Variants in SEC23A observed in about 807,000 individuals in gnomAD.
SEC23A encodes the protein protein transport protein Sec23A.
A neutral mutation model predicts 103.7 loss-of-function variants in SEC23A; 56 were observed. The ratio of observed to expected loss-of-function variants is 0.54; its 90% CI spans 0.44 to 0.67. SEC23A has a LOEUF of 0.67. SEC23A is among the 30% of genes least tolerant of loss of function. SEC23A has a pLI of 0.00. For synonymous variants in SEC23A, 281 were observed against 293.0 expected (o/e 0.96, Z 0.42); for missense variants, 784 against 936.4 (o/e 0.84, Z 2.12).
rs1193106121 is a variant in SEC23A at position 39,048,710 on chromosome 14, T to C, written c.1679A>G (p.Tyr560Cys). 3.8e-6 allele frequency: 6 copies of C among 1,581,042 alleles called. No homozygotes were observed. The highest frequency in any genetic ancestry group is 5.2e-6 in the Non-Finnish European group (6 of 1,150,098). Residue 560 changes from tyrosine (Y) to cysteine (C), a missense_variant, in exon 15 of 20, where the codon TAT becomes TGT. By Grantham distance (194) the Tyr-to-Cys change is radical (BLOSUM62 -2). Coordinates refer to ENST00000307712, the MANE Select transcript of SEC23A (RefSeq NM_006364.4). ...GAAGGAACTTGGGTCATCTTTATGA[T>C]ATTCTCCAAATTTCTGACACTAAAT... ...LIRLCQKFGE[Y>C]HKDDPSSFRF...
chr14:39,033,948 TATACTC>T (rs1489588594), intron 19 of SEC23A, among the ~76,000 whole-genome samples: 2 of 152,206 alleles, frequency 1.3e-5, no homozygotes, highest in African/African-American at 2.4e-5. Context: ...TTTTTCTTCT[TATACTC>T]AAGTTCTTAT....
At chr14:39,043,857 G>A (rs904823974) in intron 16 of SEC23A, among the ~76,000 whole-genome samples, 1 of 152,182 alleles carries the variant, frequency 6.6e-6, no homozygotes, top group Non-Finnish European at 1.5e-5. Context: ...GTCTTTATAA[G>A]AGCCATTTCA....
At chr14:39,094,166 C>A (rs939361294) in intron 2 of SEC23A, among the ~76,000 whole-genome samples, 2 of 149,530 alleles carry the variant, frequency 1.3e-5, no homozygotes, top group East Asian at 1.9e-4. Context: ...GGACTACAGA[C>A]ACATACCACC....
At chr14:39,068,671 G>A (rs1886751464) in intron 9 of SEC23A, among the ~76,000 whole-genome samples, 2 of 151,976 alleles carry the variant, frequency 1.3e-5, no homozygotes, top group Admixed American at 1.3e-4. Flanking sequence ...AGAGAGGAAA[G>A]ATGTATAAAA....
At chr14:39,075,302 A>G (rs1430382204) in intron 8 of SEC23A, among the ~76,000 whole-genome samples, 1 of 152,168 alleles carries the variant, frequency 6.6e-6, no homozygotes, top group Non-Finnish European at 1.5e-5. Flanking sequence ...AAGCACCAAC[A>G]GTGGCAAAAA....
In SEC23A at chr14:39,076,030, GC is replaced by G; in HGVS notation, c.891del (p.Pro298LeufsTer9). ...AACTCATCTCCAACCACCATTCCAGGCCCCTGAGTAGCAGGACCACCAATGA... is the reference window on the plus strand; with the variant it reads ...AACTCATCTCCAACCACCATTCCAGGCCCTGAGTAGCAGGACCACCAATGA... ...MMFIGGPATQ[G>X]PGMVVGDELK... On this transcript the variant is annotated frameshift_variant, in exon 8 of 20. Coordinates refer to ENST00000307712, the MANE Select transcript of SEC23A (RefSeq NM_006364.4). LOFTEE classifies it high-confidence loss of function. The G allele has an allele frequency of 6.2e-7, 1 of 1,613,332 alleles. No homozygotes were observed. Among genetic ancestry groups the G allele is most frequent in the South Asian group, 1.1e-5 (1 of 91,034 alleles).
At chr14:39,043,933 T>C (rs1413472296) in intron 16 of SEC23A, among the ~76,000 whole-genome samples, 12 of 152,150 alleles carry the variant, frequency 7.9e-5, no homozygotes, top group Admixed American at 3.3e-4. Context: ...TGAGAAAGTA[T>C]AAACAACAAA....
At chr14:39,097,877 G>T (rs1477030668) in intron 1 of SEC23A, among the ~76,000 whole-genome samples, 1 of 152,106 alleles carries the variant, frequency 6.6e-6, no homozygotes, top group African/African-American at 2.4e-5. Context: ...CTGAGATCAG[G>T]AGTTCAAGAC....
chr14:39,075,651 C>A (rs192539711), intron 8 of SEC23A, among the ~76,000 whole-genome samples: 6 of 152,248 alleles, frequency 3.9e-5, no homozygotes, highest in Admixed American at 1.3e-4. Context: ...AACAGAAAGG[C>A]ATTCTTTAAC....
chr14:39,092,464 T>C (rs953556636), intron 4 of SEC23A, 77 bp downstream of exon 4: 3 of 895,140 alleles, frequency 3.4e-6, no homozygotes, highest in Non-Finnish European at 5.4e-6. Context: ...CATGATTCCT[T>C]CTAAATCATC....
At chr14:39,098,800 A>T (rs1189686848) in intron 1 of SEC23A, among the ~76,000 whole-genome samples, 1 of 151,860 alleles carries the variant, frequency 6.6e-6, no homozygotes, top group Non-Finnish European at 1.5e-5. Flanking sequence ...TAATAAAATA[A>T]AATGAAATCA....
chr14:39,096,300 A>G (rs1268798677), intron 1 of SEC23A, among the ~76,000 whole-genome samples, 161 bp from the exon 2 acceptor site: 1 of 152,166 alleles, frequency 6.6e-6, no homozygotes, highest in East Asian at 1.9e-4. Context: ...GGAGGCCGAG[A>G]CAGGCGGATC....
intron 2 of SEC23A, chr14:39,094,880 G>A (rs1887832775): frequency 6.3e-6 from 4 of 637,164 alleles, no homozygotes; most frequent in Non-Finnish European, 8.3e-6. Context: ...ATATACAGAG[G>A]CTAGATCATA....
At chr14:39,067,628 A>G (rs1462980483) in intron 9 of SEC23A, among the ~76,000 whole-genome samples, 3 of 147,710 alleles carry the variant, frequency 2.0e-5, no homozygotes, top group African/African-American at 7.5e-5. Flanking sequence ...TGTTCTCCAT[A>G]TTGGTAAAGG....
At chr14:39,041,578 C>T (rs915960933) in intron 17 of SEC23A, 10 of 150,846 alleles carry the variant, frequency 6.6e-5, no homozygotes, top group African/African-American at 2.4e-4. Flanking sequence ...TCTTTTAAAA[C>T]TCCTGGGTAG....
In SEC23A at chr14:39,033,062, C is replaced by A; in HGVS notation, c.*177G>T. On this transcript the variant is annotated 3_prime_UTR_variant, in exon 20 of 20. Transcript: ENST00000307712. ...AAAATAAATTTGTTCTTATTGCTCT[C>A]ATTATAATTCCAGCTTAATCTACAA... 1 of 614,622 alleles carries A rather than the reference C, an allele frequency of 1.6e-6. No homozygotes were observed. The highest frequency in any genetic ancestry group is 2.9e-6 in the Non-Finnish European group (1 of 339,056). The allele number at this position is 614,622 out of a possible 1,614,324, so 38.1% of individuals were successfully genotyped here.
chr14:39,049,490 A>T (rs72671365), intron 14 of SEC23A, among the ~76,000 whole-genome samples: 51 of 150,068 alleles, frequency 3.4e-4, no homozygotes, highest in East Asian at 4.0e-4. Flanking sequence ...AAAAAAAAAA[A>T]TTTGAGCCAA....
chr14:39,034,386 A>G (rs1885395616), intron 19 of SEC23A, among the ~76,000 whole-genome samples: 1 of 152,248 alleles, frequency 6.6e-6, no homozygotes, highest in Non-Finnish European at 1.5e-5. Context: ...AACAGTACCT[A>G]GTACACACAG....
Position 39,095,307 on chromosome 14 carries a change from T to C in SEC23A, c.221+591A>G, listed in dbSNP as rs115170734. Among the ~76,000 whole-genome samples, 683 of 152,098 alleles carry C rather than the reference T, an allele frequency of 4.5e-3. 7 individuals carry two copies. Among genetic ancestry groups the C allele is most frequent in the African/African-American group, 0.016 (658 of 41,478 alleles). ...TGTCACTCAATCACAACTTTTTTTT[T>C]TTTTTTGAGGCGGAGTCTCGCTCTG... is the stretch of plus-strand genomic sequence containing the variant. On this transcript the variant is annotated intron_variant, in intron 2 of 19. Transcript: ENST00000307712.
Sources: allele counts gnomAD v4.1 joint callset (sites outside exome capture counted in the v4.1 genomes callset), GRCh38; gene constraint gnomAD v4.1.1; transcripts MANE v1.5; gene names NCBI Gene and HGNC (gene_info 2026-07-23, HGNC 2026-07-21).